Variants in COP1 observed in about 807,000 individuals in gnomAD.
COP1 encodes the protein COP1 E3 ubiquitin ligase.
Under a neutral mutation model 101.3 loss-of-function variants are expected in COP1, and 24 were observed. That is an observed-to-expected ratio of 0.24 (90% CI 0.17 to 0.33). The LOEUF is 0.33. Among genes scored for constraint, COP1 ranks in the 10% least tolerant of loss-of-function variants. The pLI, the probability that COP1 is intolerant of heterozygous loss-of-function variation, is 1.00. For missense variants in COP1, 663 were observed against 906.2 expected, an observed-to-expected ratio of 0.73 and a Z score of 3.45; for synonymous variants, 347 against 341.9, an observed-to-expected ratio of 1.01 and a Z score of -0.17.
intron 14 of COP1, among the ~76,000 whole-genome samples, chr1:176,034,059 C>T (rs920305025): frequency 6.6e-6 from 1 of 152,134 alleles, no homozygotes; most frequent in Non-Finnish European, 1.5e-5. Flanking sequence ...ATCTCTCTCA[C>T]TTTGAGTTTA....
intron 11 of COP1, among the ~76,000 whole-genome samples, chr1:176,064,443 G>T (rs1264503901): frequency 1.3e-5 from 2 of 152,160 alleles, no homozygotes; most frequent in Non-Finnish European, 2.9e-5. Flanking sequence ...AGTATAATTT[G>T]TCAAATGTAA....
intron 8 of COP1, among the ~76,000 whole-genome samples, chr1:176,117,352 GTTC>G (rs1484452373): frequency 7.2e-5 from 11 of 151,730 alleles, no homozygotes; most frequent in Admixed American, 6.6e-5. Context: ...TTCTCCATTG[GTTC>G]TTTTTATTTG....
intron 15 of COP1, among the ~76,000 whole-genome samples, chr1:176,003,671 C>A (rs1413071106): frequency 6.6e-6 from 1 of 152,010 alleles, no homozygotes; most frequent in Admixed American, 6.5e-5. Context: ...AGATACGTGG[C>A]GTTATTTCTG....
At chr1:176,186,100 C>G (rs1196988022) in intron 1 of COP1, among the ~76,000 whole-genome samples, 1 of 151,754 alleles carries the variant, frequency 6.6e-6, no homozygotes, top group Non-Finnish European at 1.5e-5. Context: ...GTAAAGAAAA[C>G]TGAGATTTGG....
At chr1:176,040,447 G>A (rs553155214) in intron 14 of COP1, among the ~76,000 whole-genome samples, 17 of 151,926 alleles carry the variant, frequency 1.1e-4, no homozygotes, top group Non-Finnish European at 2.2e-4. Flanking sequence ...TTTCCCAAGC[G>A]CTGAGACTAC....
At chr1:175,998,081 AAAAAAAAAAG>A (rs1181113695) in intron 15 of COP1, among the ~76,000 whole-genome samples, 125 of 146,696 alleles carry the variant, frequency 8.5e-4, no homozygotes, top group Non-Finnish European at 1.4e-3. Context: ...AAAAAAAAAA[AAAAAAAAAAG>A]AAAATGTGGC....
intron 3 of COP1, among the ~76,000 whole-genome samples, chr1:176,172,927 C>A (rs997646436): frequency 3.3e-5 from 5 of 152,156 alleles, no homozygotes; most frequent in Non-Finnish European, 5.9e-5. Flanking sequence ...ATAGATGTAT[C>A]AGGATGAAAT....
At chr1:176,129,241 C>T (rs1169794787) in intron 8 of COP1, among the ~76,000 whole-genome samples, 1 of 151,800 alleles carries the variant, frequency 6.6e-6, no homozygotes, top group Non-Finnish European at 1.5e-5. Flanking sequence ...TGTCCCTACA[C>T]TTTGATTCGT....
intron 15 of COP1, among the ~76,000 whole-genome samples, chr1:176,024,199 C>T (rs771153543): frequency 1.3e-5 from 2 of 152,282 alleles, no homozygotes; most frequent in Non-Finnish European, 2.9e-5. Context: ...GCAGAGGTTG[C>T]AGTGAGCCAA....
chr1:176,151,353 A>AAGAAAG (rs1553292719), intron 5 of COP1, among the ~76,000 whole-genome samples: 3 of 115,990 alleles, frequency 2.6e-5, no homozygotes, highest in Admixed American at 9.7e-5. Context: ...GAAAGAAAGA[A>AAGAAAG]AAAGAAAGAA....
At chr1:176,190,630 C>CA (rs1699018686) in intron 1 of COP1, among the ~76,000 whole-genome samples, 1 of 151,668 alleles carries the variant, frequency 6.6e-6, no homozygotes, top group South Asian at 2.1e-4. Context: ...AATCAAGGGT[C>CA]ATATTGCAAT....
chr1:176,043,681 T>C lies in COP1; in HGVS notation c.1530+29A>G, dbSNP rs764312495. ...TTTAACAAACCAAATGTATGATTCA[T>C]ATAACATGTAACTAGTACCCTTATT... On this transcript the variant is annotated intron_variant, in intron 13 of 19. Transcript: ENST00000367669. 6 of 1,199,254 alleles carry C rather than the reference T, an allele frequency of 5.0e-6. No homozygotes were observed. In the Admixed American group the frequency reaches 5.3e-5, roughly 11 times the overall value. 74.3% of individuals were successfully genotyped at this position (1,199,254 alleles called of 1,614,324 possible).
chr1:176,196,195 G>A (rs541199780), intron 1 of COP1, among the ~76,000 whole-genome samples: 5 of 152,138 alleles, frequency 3.3e-5, no homozygotes, highest in South Asian at 2.1e-4. Flanking sequence ...CTAAGCTTTC[G>A]TACTAAGAAA....
chr1:176,078,043 A>G (rs1407317802), intron 11 of COP1, among the ~76,000 whole-genome samples: 1 of 152,218 alleles, frequency 6.6e-6, no homozygotes, highest in East Asian at 1.9e-4. Context: ...ATTTGGAAGA[A>G]TCGATATTGC....
At position 176,206,789 on chromosome 1, in the gene COP1, G is replaced by A. The variant is rs201251247; in HGVS notation, c.190C>T (p.Pro64Ser). The change falls in exon 1 of 20, where the codon CCG becomes TCG. Residue 64 changes from proline (P) to serine (S), a missense_variant. By Grantham distance (74) the Pro-to-Ser change is moderately conservative. Transcript: ENST00000367669. ...GGCGCCACCAACACAGGCCGCACCG[G>A]GCCCCCGAGGCCGCCCGAGCCGGCG... ...QAAGSGGLGG[P>S]VRPVLVAPAV... is the part of the protein sequence containing the mutation. The A allele has an allele frequency of 1.2e-3, 1,725 of 1,389,524 alleles. 23 individuals are homozygous for A. In the African/African-American group the frequency reaches 0.023, roughly 19 times the overall value. The allele number at this position is 1,389,524 out of a possible 1,614,324, so 86.1% of individuals were successfully genotyped here.
rs1438802755 is a variant in COP1, at chr1:176,207,215, G to T, written c.-237C>A. Reference sequence around the variant, plus strand: ...AGAAGGCACTACCGCTGTCGAGGCCGCCGCCGCCACCGCGGTCCCTGTAGC... The same window carrying T: ...AGAAGGCACTACCGCTGTCGAGGCCTCCGCCGCCACCGCGGTCCCTGTAGC... On this transcript the variant is annotated 5_prime_UTR_variant, in exon 1 of 20. Transcript: ENST00000367669. 2 of 402,234 alleles carry T rather than the reference G, an allele frequency of 5.0e-6. No individual in the cohort carries two copies. The highest frequency in any genetic ancestry group is 8.7e-6 in the Non-Finnish European group (2 of 229,394). The allele number at this position is 402,234 out of a possible 1,614,324, so 24.9% of individuals were successfully genotyped here. A position where few individuals can be genotyped will look rare whatever the true frequency, so the allele number is the denominator to read the frequency against.
At chr1:175,952,233 C>T (rs374102687) in intron 18 of COP1, among the ~76,000 whole-genome samples, 1 of 151,540 alleles carries the variant, frequency 6.6e-6, no homozygotes, top group African/African-American at 2.4e-5. Flanking sequence ...AGCAGCCTGG[C>T]CAACATGGTG....
chr1:176,071,946 C>T (rs1264985091), intron 11 of COP1, among the ~76,000 whole-genome samples: 2 of 152,070 alleles, frequency 1.3e-5, no homozygotes, highest in African/African-American at 4.8e-5. Flanking sequence ...AAAACCAAGT[C>T]GAGATTAGAA....
rs75741165 is a variant in COP1 at position 175,953,485 on chromosome 1, C to T, written c.2134-6246G>A. ...TAAGAAATACACTTTAGGCTGGGCG[C>T]GGTGGCTCATGCCTGTAATTCCAGC... is the stretch of plus-strand genomic sequence containing the variant. On this transcript the variant is annotated intron_variant, in intron 18 of 19. Transcript: ENST00000367669. 5.0e-3 allele frequency among the ~76,000 whole-genome samples: 762 copies of T among 151,800 alleles called. 8 individuals are homozygous for T. Among genetic ancestry groups the T allele is most frequent in the Non-Finnish European group, 8.4e-3 (570 of 67,908 alleles).
Sources: gnomAD v4.1 joint callset for allele counts (sites outside exome capture counted in the v4.1 genomes callset) on GRCh38, gnomAD v4.1.1 for gene constraint, MANE v1.5 for transcripts, NCBI Gene and HGNC (gene_info 2026-07-23, HGNC 2026-07-21) for gene names.